Variants in CDH13 observed in about 807,000 individuals in gnomAD.
CDH13 encodes the protein cadherin 13.
CDH13 carries 24 observed loss-of-function variants against 63.8 expected under a neutral mutation model. The observed-to-expected ratio is 0.38, with a 90% confidence interval of 0.27 to 0.53. The LOEUF (loss-of-function observed/expected upper bound fraction) is 0.53. Among genes scored for constraint, CDH13 ranks in the 20% least tolerant of loss-of-function variants. The probability of loss-of-function intolerance (pLI) is 0.85; values close to 1 mark genes in which losing one functional copy is unlikely to be tolerated. For missense variants in CDH13, 1,049 were observed against 903.1 expected, an observed-to-expected ratio of 1.16 and a Z score of -2.07; for synonymous variants, 503 against 355.3, an observed-to-expected ratio of 1.42 and a Z score of -4.67.
At chr16:83,296,057 C>G (rs1384853637) in intron 5 of CDH13, among the ~76,000 whole-genome samples, 1 of 152,106 alleles carries the variant, frequency 6.6e-6, no homozygotes, top group Non-Finnish European at 1.5e-5. Context: ...TTGCAGAAAC[C>G]TCTATAAGCT....
chr16:83,102,942 C>CTTTTTTTTTTTTTTTTTT (rs1567831700), intron 3 of CDH13, among the ~76,000 whole-genome samples: 16 of 51,896 alleles, frequency 3.1e-4, no homozygotes, highest in African/African-American at 4.3e-4. Context: ...TTTTTTTTTT[C>CTTTTTTTTTTTTTTTTTT]TTTTTCTTTT....
intron 11 of CDH13, among the ~76,000 whole-genome samples, chr16:83,770,381 G>A (rs1914680965): frequency 4.6e-5 from 7 of 152,158 alleles, no homozygotes; most frequent in Admixed American, 4.6e-4. Context: ...TAGCCAGAAA[G>A]CTCCAGGGAT....
At chr16:83,457,684 A>T (rs1362129198) in intron 6 of CDH13, among the ~76,000 whole-genome samples, 1 of 152,092 alleles carries the variant, frequency 6.6e-6, no homozygotes, top group Non-Finnish European at 1.5e-5. Flanking sequence ...AAGACAGGGA[A>T]CCAGCAGGCC....
chr16:83,438,642 T>G (rs1161450176), intron 6 of CDH13, among the ~76,000 whole-genome samples: 4 of 152,268 alleles, frequency 2.6e-5, no homozygotes, highest in African/African-American at 4.8e-5. Flanking sequence ...CAAGAGCTAT[T>G]CAGCTCTTTT....
At chr16:83,667,833 AT>A (rs558724334) in intron 8 of CDH13, among the ~76,000 whole-genome samples, 17 of 149,944 alleles carry the variant, frequency 1.1e-4, no homozygotes, top group Admixed American at 4.7e-4. Context: ...AATTTTTTAC[AT>A]TTTTTTTTAG....
At chr16:83,733,394 T>G (rs1302067453) in intron 10 of CDH13, among the ~76,000 whole-genome samples, 1 of 152,152 alleles carries the variant, frequency 6.6e-6, no homozygotes, top group African/African-American at 2.4e-5. Flanking sequence ...CTGGCCTCCA[T>G]CACGAATGCA....
chr16:82,665,314 C>G (rs1056225587), intron 1 of CDH13, among the ~76,000 whole-genome samples: 6 of 152,036 alleles, frequency 3.9e-5, no homozygotes, highest in Admixed American at 2.0e-4. Flanking sequence ...GTTAGATAAG[C>G]TTTGTTCCAG....
intron 6 of CDH13, among the ~76,000 whole-genome samples, chr16:83,392,944 T>C (rs942562088): frequency 9.0e-6 from 1 of 110,712 alleles, no homozygotes; most frequent in Middle Eastern, 4.6e-3. Context: ...TGGAAGGAAG[T>C]TGGGAGGGGA....
rs139427567 is a variant in CDH13 at position 83,672,328 on chromosome 16, G to A, written c.1284+1356G>A. Among the ~76,000 whole-genome samples, 190 of 149,196 alleles carry A rather than the reference G, an allele frequency of 1.3e-3. 1 individual carries two copies. The highest frequency in any genetic ancestry group is 4.5e-3 in the African/African-American group (182 of 40,672). On this transcript the variant is annotated intron_variant, in intron 9 of 13. Coordinates refer to ENST00000567109, the MANE Select transcript of CDH13 (RefSeq NM_001257.5). ...TCCAGTAGATTCTGTGTCTAGTGAG[G>A]ACCCACTTTTTGATAGATGTCCATC... is the stretch of plus-strand genomic sequence containing the variant.
intron 7 of CDH13, among the ~76,000 whole-genome samples, chr16:83,580,841 T>A (rs1905527562): frequency 6.6e-6 from 1 of 152,136 alleles, no homozygotes; most frequent in Non-Finnish European, 1.5e-5. Flanking sequence ...TTGTTCTTAT[T>A]AAAGTTTCCA....
chr16:83,126,337 T>C (rs1375190004), intron 4 of CDH13, among the ~76,000 whole-genome samples: 1 of 152,186 alleles, frequency 6.6e-6, no homozygotes, highest in African/African-American at 2.4e-5. Context: ...TGGAGTTGGA[T>C]TGCACAATCT....
chr16:83,365,636 G>T (rs1244010765), intron 6 of CDH13, among the ~76,000 whole-genome samples: 1 of 152,176 alleles, frequency 6.6e-6, no homozygotes, highest in Non-Finnish European at 1.5e-5. Flanking sequence ...AAACAAGGAG[G>T]TTACCCGGGA....
At chr16:83,487,296 A>G (rs944396718) in intron 7 of CDH13, among the ~76,000 whole-genome samples, 1 of 152,206 alleles carries the variant, frequency 6.6e-6, no homozygotes, top group Non-Finnish European at 1.5e-5. Context: ...ATATCAAAAT[A>G]TTTAGATTTC....
chr16:83,717,398 A>C (rs79531566), intron 10 of CDH13, among the ~76,000 whole-genome samples: 1,961 of 152,266 alleles, frequency 0.013, 15 homozygotes, highest in Non-Finnish European at 0.023. Flanking sequence ...GTCTGAACTG[A>C]ATCTGTCTGA....
intron 6 of CDH13, among the ~76,000 whole-genome samples, chr16:83,450,129 G>A (rs769354686): frequency 3.3e-5 from 5 of 152,254 alleles, no homozygotes; most frequent in African/African-American, 7.2e-5. Flanking sequence ...CCACAGCAGC[G>A]CCCTGTGATT....
intron 6 of CDH13, among the ~76,000 whole-genome samples, chr16:83,387,555 A>T (rs187144054): frequency 7.2e-4 from 109 of 152,334 alleles, no homozygotes; most frequent in African/African-American, 2.6e-3. Flanking sequence ...CCTCCCTTAA[A>T]TAGTGCTCAG....
intron 1 of CDH13, among the ~76,000 whole-genome samples, chr16:82,679,820 G>T (rs1015000142): frequency 2.0e-5 from 3 of 152,170 alleles, no homozygotes; most frequent in Non-Finnish European, 2.9e-5. Flanking sequence ...TCAAAAATGG[G>T]TTTGGATCTG....
At chr16:83,037,984 A>G (rs567168231) in intron 3 of CDH13, among the ~76,000 whole-genome samples, 64 of 152,302 alleles carry the variant, frequency 4.2e-4, no homozygotes, top group African/African-American at 1.5e-3. Context: ...AAGTGTATTC[A>G]CTGAGGCCCT....
At chr16:83,259,950 C>T (rs151327329) in intron 5 of CDH13, among the ~76,000 whole-genome samples, 1 of 152,054 alleles carries the variant, frequency 6.6e-6, no homozygotes, top group South Asian at 2.1e-4. Flanking sequence ...TTGAGTGATT[C>T]TAACAATTGA....
Sources: allele counts gnomAD v4.1 joint callset (sites outside exome capture counted in the v4.1 genomes callset), GRCh38; gene constraint gnomAD v4.1.1; transcripts MANE v1.5; gene names NCBI Gene and HGNC (gene_info 2026-07-23, HGNC 2026-07-21).